SMG6: variants seen among roughly 807,000 people sequenced by gnomAD.
The protein encoded by SMG6 is SMG6 nonsense mediated mRNA decay factor.
In SMG6, 66 loss-of-function variants were observed where a neutral mutation model predicts 142.2. The observed-to-expected ratio is 0.46, with a 90% CI of 0.38 to 0.57. The LOEUF (loss-of-function observed/expected upper bound fraction) is 0.57. Ranked by LOEUF, SMG6 falls within the 20% of genes least tolerant of loss-of-function variation. The pLI, the probability that SMG6 is intolerant of heterozygous loss-of-function variation, is 0.00. For synonymous variants in SMG6, 779 were observed against 702.4 expected, an observed-to-expected ratio of 1.11 and a Z score of -1.72; for missense variants, 1,793 against 1,832.0, an observed-to-expected ratio of 0.98 and a Z score of 0.39.
chr17:2,225,000 G>C (rs2073275573), intron 10 of SMG6, among the ~76,000 whole-genome samples: 1 of 152,108 alleles, frequency 6.6e-6, no homozygotes, highest in Admixed American at 6.5e-5. Context: ...TGTTAGGCTA[G>C]AATTCTATTA....
At chr17:2,261,313 C>CAAAAAAAA (rs58928595) in intron 8 of SMG6, among the ~76,000 whole-genome samples, 1 of 134,290 alleles carries the variant, frequency 7.4e-6, no homozygotes. Context: ...GACTCCGTCT[C>CAAAAAAAA]AAAAAAAAAA....
rs376600581 is a variant in SMG6, at chr17:2,298,891, T to G, written c.1847+15A>C. ...GATCCCCATTTCCCTCCAGCCAGAA[T>G]AGACCACATCATACCTGAGTTGCGC... On this transcript the variant is annotated intron_variant, in intron 2 of 18. Coordinates refer to ENST00000263073, the MANE Select transcript of SMG6 (RefSeq NM_017575.5). 5.0e-6 allele frequency: 8 copies of G among 1,604,906 alleles called. No individual in the cohort carries two copies. The highest frequency in any genetic ancestry group is 2.6e-6 in the Non-Finnish European group (3 of 1,174,802).
At chr17:2,172,304 G>A (rs997079692) in intron 13 of SMG6, among the ~76,000 whole-genome samples, 1 of 152,038 alleles carries the variant, frequency 6.6e-6, no homozygotes, top group Non-Finnish European at 1.5e-5. Context: ...GCTTTGTGGC[G>A]GAGGGGGGCG....
intron 13 of SMG6, among the ~76,000 whole-genome samples, chr17:2,140,620 C>T (rs1026743924): frequency 1.3e-4 from 19 of 146,382 alleles, no homozygotes; most frequent in Non-Finnish European, 2.2e-4. Context: ...TGCAGTGAGC[C>T]GAGATTGCAC....
At chr17:2,076,802 C>CA (rs2068272291) in intron 15 of SMG6, among the ~76,000 whole-genome samples, 1 of 152,212 alleles carries the variant, frequency 6.6e-6, no homozygotes, top group Non-Finnish European at 1.5e-5. Context: ...CAGCTTGGTG[C>CA]ATGTGGGGCC....
intron 3 of SMG6, among the ~76,000 whole-genome samples, chr17:2,297,560 A>G (rs1182676939): frequency 6.8e-6 from 1 of 148,034 alleles, no homozygotes; most frequent in African/African-American, 2.6e-5. Flanking sequence ...ATATGAACAC[A>G]TGAACACACA....
intron 9 of SMG6, among the ~76,000 whole-genome samples, chr17:2,241,899 T>C (rs11078884): frequency 0.1 from 15,907 of 152,264 alleles, 1,166 homozygotes; most frequent in Non-Finnish European, 0.16. Context: ...GCAAGAAATA[T>C]CTAGAGTAGT....
intron 10 of SMG6, among the ~76,000 whole-genome samples, chr17:2,211,872 C>T (rs2072875606): frequency 6.6e-6 from 1 of 152,074 alleles, no homozygotes; most frequent in African/African-American, 2.4e-5. Flanking sequence ...CCACATCTCT[C>T]GCTCCAACTC....
At chr17:2,286,104 C>A (rs1169054919) in intron 6 of SMG6, among the ~76,000 whole-genome samples, 1 of 152,104 alleles carries the variant, frequency 6.6e-6, no homozygotes, top group Non-Finnish European at 1.5e-5. Flanking sequence ...TTATTATACA[C>A]AGGGTTAAAA....
chr17:2,161,414 T>G (rs2071175327), intron 13 of SMG6, among the ~76,000 whole-genome samples: 1 of 151,702 alleles, frequency 6.6e-6, no homozygotes, highest in Non-Finnish European at 1.5e-5. Context: ...CTTTATTTAT[T>G]TATTTTTTTT....
intron 13 of SMG6, among the ~76,000 whole-genome samples, chr17:2,124,072 A>C (rs2069791230): frequency 1.3e-5 from 2 of 152,210 alleles, no homozygotes; most frequent in African/African-American, 2.4e-5. Flanking sequence ...CACTGAATCC[A>C]AGAGGAATAT....
At chr17:2,264,805 G>A (rs980400662) in intron 8 of SMG6, among the ~76,000 whole-genome samples, 3 of 151,930 alleles carry the variant, frequency 2.0e-5, no homozygotes, top group Non-Finnish European at 2.9e-5. Flanking sequence ...AGGAGGCTGG[G>A]AGGGGAGGAT....
chr17:2,121,230 C>T (rs1301685936), intron 13 of SMG6, among the ~76,000 whole-genome samples: 1 of 147,484 alleles, frequency 6.8e-6, no homozygotes, highest in African/African-American at 2.6e-5. Flanking sequence ...TTATTCATAA[C>T]AGCTAAAAAC....
chr17:2,165,943 G>A (rs977565041), intron 13 of SMG6, among the ~76,000 whole-genome samples: 4 of 152,052 alleles, frequency 2.6e-5, no homozygotes, highest in Non-Finnish European at 5.9e-5. Flanking sequence ...CGGGCGCGGT[G>A]ACTCAGGCCT....
At chr17:2,303,037 G>A in intron 1 of SMG6, 1 of 985,446 alleles carries the variant, frequency 1.0e-6, no homozygotes, top group Non-Finnish European at 1.2e-6. Flanking sequence ...CTGGAGACTT[G>A]AAATTAACTT....
chr17:2,236,524 T>C lies in SMG6; in HGVS notation c.2837A>G (p.Asn946Ser), dbSNP rs1327218237. The C allele has an allele frequency of 1.9e-6, 3 of 1,613,124 alleles. No homozygotes were observed. The highest frequency in any genetic ancestry group is 2.7e-5 in the African/African-American group (2 of 74,878). ...CTGGGAGTTGTGTACTGCAAACATA[T>C]TGATGGTCATAAGCTGCAGCATGCG... ...STRMLQLMTI[N>S]MFAVHNSQLK... is the part of the protein sequence containing the mutation. Residue 946 changes from asparagine to serine, a missense_variant, in exon 10 of 19, where the codon AAT (asparagine) becomes AGT (serine). Asn to Ser is a conservative substitution (Grantham distance 46). Coordinates refer to ENST00000263073, the MANE Select transcript of SMG6 (RefSeq NM_017575.5).
At chr17:2,235,101 T>C (rs2073612114) in intron 10 of SMG6, among the ~76,000 whole-genome samples, 1 of 152,178 alleles carries the variant, frequency 6.6e-6, no homozygotes, top group Non-Finnish European at 1.5e-5. Context: ...TCCCTCCCCT[T>C]TGGGCCTCAC....
intron 8 of SMG6, among the ~76,000 whole-genome samples, chr17:2,266,731 T>C (rs2074430107): frequency 6.6e-6 from 1 of 152,222 alleles, no homozygotes; most frequent in Non-Finnish European, 1.5e-5. Flanking sequence ...AGTGGTTTGG[T>C]GACCGAGGTC....
At chr17:2,104,412 A>C (rs771981209) in intron 13 of SMG6, among the ~76,000 whole-genome samples, 7 of 152,160 alleles carry the variant, frequency 4.6e-5, no homozygotes, top group Non-Finnish European at 1.0e-4. Context: ...CAGACATTCT[A>C]AAGCACTTGG....
Sources: allele counts gnomAD v4.1 joint callset (sites outside exome capture counted in the v4.1 genomes callset), GRCh38; gene constraint gnomAD v4.1.1; transcripts MANE v1.5; gene names NCBI Gene and HGNC (gene_info 2026-07-23, HGNC 2026-07-21).